The following GCA variants were observed in gnomAD, a reference collection of about 807,000 sequenced individuals.
GCA encodes the protein grancalcin, EF-hand calcium-binding protein.
Under a neutral mutation model 32.6 loss-of-function variants are expected in GCA, and 30 were observed. The observed-to-expected ratio is 0.92, with a 90% CI of 0.69 to 1.25. GCA has a LOEUF of 1.25. Among genes scored for constraint, GCA ranks in the 50% most tolerant of loss-of-function variants. GCA has a pLI of 0.00. For synonymous variants in GCA, 102 were observed against 84.6 expected (o/e 1.21, Z -1.13); for missense variants, 291 against 266.8 (o/e 1.09, Z -0.63).
At chr2:162,340,960 C>T (rs986034201), upstream of GCA, among the ~76,000 whole-genome samples, 2 of 152,084 alleles carry the variant, frequency 1.3e-5, no homozygotes, top group Non-Finnish European at 2.9e-5. Context: ...TACCCCTTAA[C>T]CTTGACTTAG....
At position 162,322,487 on chromosome 2, in the gene GCA, A is replaced by T. The variant is rs551726826; in HGVS notation, c.-31+3262A>T. Among the ~76,000 whole-genome samples, 14 of 151,116 alleles carry T rather than the reference A, an allele frequency of 9.3e-5. No individual in the cohort carries two copies. In the South Asian group the frequency reaches 1.0e-3, roughly 11 times the overall value. Reference sequence around the variant, plus strand: ...TTGGTTACATATGTATACATGTGTCATGCTGGTGCGCTGCACCCACTAACT... The same window carrying T: ...TTGGTTACATATGTATACATGTGTCTTGCTGGTGCGCTGCACCCACTAACT... On this transcript the variant is annotated intron_variant, in intron 1 of 4. Coordinates refer to the GCA transcript ENST00000429691.
chr2:162,360,294 A>G lies in GCA; in HGVS notation c.*51A>G. ...GACACTGTGAATTCTTTTGTTTGGA[A>G]GAAGTGAACTGGACTACTTTAAAAC... On this transcript the variant is annotated 3_prime_UTR_variant, in exon 8 of 8. Coordinates refer to ENST00000437150, the MANE Select transcript of GCA (RefSeq NM_012198.5). The G allele has an allele frequency of 1.3e-6, 2 of 1,571,818 alleles. No homozygotes were observed. Among genetic ancestry groups the G allele is most frequent in the East Asian group, 2.3e-5 (1 of 43,076 alleles).
chr2:162,343,751 C>G (rs1684526809), upstream of GCA, among the ~76,000 whole-genome samples: 1 of 152,168 alleles, frequency 6.6e-6, no homozygotes, highest in Admixed American at 6.5e-5. Flanking sequence ...AAGTCCAGCT[C>G]AAAAGCGTGG....
chr2:162,336,738 T>C (rs1684283438), intron 1 of GCA, among the ~76,000 whole-genome samples: 1 of 152,242 alleles, frequency 6.6e-6, no homozygotes, highest in Non-Finnish European at 1.5e-5. Flanking sequence ...AATTACTCTA[T>C]AAATATGTAC....
At chr2:162,343,280 A>C (rs1448728964), upstream of GCA, among the ~76,000 whole-genome samples, 1 of 152,260 alleles carries the variant, frequency 6.6e-6, no homozygotes, top group Admixed American at 6.5e-5. Flanking sequence ...TCAGAGCTAC[A>C]AAATTCATTT....
At chr2:162,339,372 TTA>T (rs550243502), upstream of GCA, among the ~76,000 whole-genome samples, 70 of 152,260 alleles carry the variant, frequency 4.6e-4, no homozygotes, top group South Asian at 1.5e-3. Context: ...GAAATCTATG[TTA>T]AGGAATATTG....
chr2:162,352,613 ACTT>A (rs1419240142), intron 3 of GCA, among the ~76,000 whole-genome samples: 2 of 152,148 alleles, frequency 1.3e-5, no homozygotes, highest in Admixed American at 6.5e-5. Flanking sequence ...CATAGAGGAC[ACTT>A]CTTTTGACTT....
chr2:162,321,885 T>C (rs1288919115), intron 1 of GCA, among the ~76,000 whole-genome samples: 1 of 314 alleles, frequency 3.2e-3, no homozygotes, highest in African/African-American at 6.7e-3. Flanking sequence ...TTTAGTTACA[T>C]ATATATATAT....
At chr2:162,331,205 C>A (rs76878342) in intron 1 of GCA, among the ~76,000 whole-genome samples, 18,023 of 152,198 alleles carry the variant, frequency 0.12, 2,455 homozygotes, top group African/African-American at 0.3. Context: ...ATAACAGCTG[C>A]AACAAGAAGG....
upstream of GCA, chr2:162,344,023 G>A: frequency 1.7e-6 from 1 of 593,778 alleles, no homozygotes; most frequent in South Asian, 1.9e-5. Context: ...GGGAAGGGGC[G>A]GACTGCAGCT....
chr2:162,340,798 T>C (rs1684417745), upstream of GCA, among the ~76,000 whole-genome samples: 1 of 152,172 alleles, frequency 6.6e-6, no homozygotes, highest in South Asian at 2.1e-4. Flanking sequence ...CTTTAGGACC[T>C]TAACTCTAGT....
rs3788963 is a variant in GCA at position 162,357,958 on chromosome 2, C to A, written c.454+1053C>A. ...GGAATTTTATCAGTACCACATTTAGCTCATAACTCTCTAATATGAAGTTCA... is the reference window on the plus strand; with the variant it reads ...GGAATTTTATCAGTACCACATTTAGATCATAACTCTCTAATATGAAGTTCA... On this transcript the variant is annotated intron_variant, in intron 5 of 7. Coordinates refer to ENST00000437150, the MANE Select transcript of GCA (RefSeq NM_012198.5). 2.7e-4 allele frequency among the ~76,000 whole-genome samples: 41 copies of A among 151,716 alleles called. 2 individuals are homozygous for A. In the East Asian group the frequency reaches 7.9e-3, roughly 29 times the overall value.
In GCA at chr2:162,347,688, T is replaced by G. The variant is rs775524149; in HGVS notation, c.138T>G (p.Thr46=). ...ACTCTGGGCCAGCATATTCAGACAC[T>G]TATTCCTCAGCTGGTGACTCCGTGT... ...DGYSGPAYSD[T]YSSAGDSVYT... The change falls in exon 2 of 8, where the codon ACT becomes ACG. Residue 46 remains threonine, a synonymous_variant. Coordinates refer to ENST00000437150, the MANE Select transcript of GCA (RefSeq NM_012198.5). 4.4e-6 allele frequency: 7 copies of G among 1,608,252 alleles called. No homozygotes were observed. The highest frequency in any genetic ancestry group is 5.1e-6 in the Non-Finnish European group (6 of 1,176,234).
At chr2:162,359,583 C>T (rs2105352013) in intron 7 of GCA, 31 bp downstream of exon 7, 1 of 1,156,970 alleles carries the variant, frequency 8.6e-7, no homozygotes, top group Non-Finnish European at 1.3e-6. Flanking sequence ...ATTTATACTG[C>T]ATTCTAGATA....
At chr2:162,341,410 A>G (rs973956852), upstream of GCA, among the ~76,000 whole-genome samples, 1 of 151,304 alleles carries the variant, frequency 6.6e-6, no homozygotes, top group Non-Finnish European at 1.5e-5. Context: ...TGAGGTGGCA[A>G]CAGATAGGAA....
chr2:162,324,018 G>A (rs7587927), intron 1 of GCA, among the ~76,000 whole-genome samples: 8,437 of 152,130 alleles, frequency 0.055, 809 homozygotes, highest in African/African-American at 0.19. Flanking sequence ...GGTGTGGCTC[G>A]CTTCTTCAGT....
intron 4 of GCA, among the ~76,000 whole-genome samples, chr2:162,369,080 C>G (rs1685842902): frequency 6.6e-6 from 1 of 152,030 alleles, no homozygotes; most frequent in Non-Finnish European, 1.5e-5. Flanking sequence ...CTTCTAATTA[C>G]CTAGAAGGAA....
At position 162,329,676 on chromosome 2, in the gene GCA, A is replaced by T. The variant is rs575745699; in HGVS notation, c.-31+10451A>T. 2.0e-3 allele frequency among the ~76,000 whole-genome samples: 308 copies of T among 151,348 alleles called. 1 individual carries two copies. Among genetic ancestry groups the T allele is most frequent in the African/African-American group, 4.9e-3 (203 of 41,374 alleles). On this transcript the variant is annotated intron_variant, in intron 1 of 4. Transcript: ENST00000429691. ...ATTTTTATTTTATTATAATAATAAT[A>T]ATTATTGTTATTTTTAACTTTTAAG...
At chr2:162,327,740 A>C (rs1683936463) in intron 1 of GCA, among the ~76,000 whole-genome samples, 1 of 152,240 alleles carries the variant, frequency 6.6e-6, no homozygotes. Flanking sequence ...TGGCACCTCC[A>C]GGAACAGTTG....
Sources: gnomAD v4.1 joint callset for allele counts (sites outside exome capture counted in the v4.1 genomes callset) on GRCh38, gnomAD v4.1.1 for gene constraint, MANE v1.5 for transcripts, NCBI Gene and HGNC (gene_info 2026-07-23, HGNC 2026-07-21) for gene names.